Variants in PCLO observed in about 807,000 individuals in gnomAD.
The protein encoded by PCLO is protein piccolo.
PCLO carries 82 observed loss-of-function variants against 427.5 expected under a neutral mutation model. The ratio of observed to expected loss-of-function variants is 0.19; its 90% CI spans 0.16 to 0.23. The LOEUF is 0.23. Ranked by LOEUF, PCLO falls within the 10% of genes least tolerant of loss-of-function variation. The pLI is 1.00. For missense variants in PCLO, 6,239 were observed against 6,115.9 expected, an observed-to-expected ratio of 1.02 and a Z score of -0.67; for synonymous variants, 2,357 against 2,155.4, an observed-to-expected ratio of 1.09 and a Z score of -2.59.
At chr7:83,090,405 A>G (rs905994851) in intron 3 of PCLO, among the ~76,000 whole-genome samples, 2 of 152,212 alleles carry the variant, frequency 1.3e-5, no homozygotes, top group East Asian at 3.9e-4. Context: ...CAAATAATTG[A>G]TCAATTAGGA....
At chr7:83,003,503 A>G (rs939269445) in intron 3 of PCLO, among the ~76,000 whole-genome samples, 2 of 151,878 alleles carry the variant, frequency 1.3e-5, no homozygotes, top group Non-Finnish European at 2.9e-5. Context: ...AAAATATGGA[A>G]ATATGGATGA....
At chr7:83,079,925 A>C (rs1486459805) in intron 3 of PCLO, among the ~76,000 whole-genome samples, 2 of 150,960 alleles carry the variant, frequency 1.3e-5, no homozygotes, top group African/African-American at 4.9e-5. Context: ...CCCTGTGTCC[A>C]TGTGTTCTCA....
intron 3 of PCLO, among the ~76,000 whole-genome samples, chr7:83,005,578 A>AGG (rs1291713407): frequency 6.6e-6 from 1 of 151,656 alleles, no homozygotes; most frequent in Non-Finnish European, 1.5e-5. Flanking sequence ...CCTCACCACC[A>AGG]GGGGGACAAA....
At chr7:83,038,041 A>ATATATATATATATTTTTATATATT (rs1788860105) in intron 3 of PCLO, among the ~76,000 whole-genome samples, 3 of 45,904 alleles carry the variant, frequency 6.5e-5, no homozygotes, top group African/African-American at 5.0e-4. Flanking sequence ...TTATATATTT[A>ATATATATATATATTTTTATATATT]TATATATATC....
intron 20 of PCLO, among the ~76,000 whole-genome samples, chr7:82,818,675 A>G (rs901996295): frequency 6.6e-6 from 1 of 152,200 alleles, no homozygotes; most frequent in Non-Finnish European, 1.5e-5. Flanking sequence ...AGACAATGTT[A>G]TATTTGTCGG....
chr7:82,822,466 A>G (rs375919539), intron 20 of PCLO, 29 bp downstream of exon 20: 5 of 1,613,580 alleles, frequency 3.1e-6, no homozygotes, highest in Non-Finnish European at 4.2e-6. Flanking sequence ...TTAAGCTGCC[A>G]TGCTGAGGAA....
intron 21 of PCLO, among the ~76,000 whole-genome samples, chr7:82,805,268 T>C (rs993377445): frequency 7.2e-5 from 11 of 152,200 alleles, no homozygotes; most frequent in Non-Finnish European, 1.5e-4. Context: ...ATGTCCTCTA[T>C]TTCAAATATG....
rs1384806679 is a variant in PCLO, at chr7:82,949,667, C to A, written c.10921G>T (p.Val3641Leu). The A allele has an allele frequency of 1.9e-6, 3 of 1,613,648 alleles. No homozygotes were observed. Among genetic ancestry groups the A allele is most frequent in the Non-Finnish European group, 2.5e-6 (3 of 1,179,852 alleles). ...SPGKALESAF[V>L]PYEKPLPDDI... is the part of the protein sequence containing the mutation. ...TCAGGGAGGGGTTTTTCATAAGGTA[C>A]AAAGGCTGATTCTAAGGCTTTGCCT... The change falls in exon 6 of 25, where the codon GTA (valine) becomes TTA (leucine). Residue 3641 changes from valine to leucine, a missense_variant. Coordinates refer to ENST00000333891, the MANE Select transcript of PCLO (RefSeq NM_033026.6).
At chr7:82,986,338 A>G (rs550622620) in intron 3 of PCLO, among the ~76,000 whole-genome samples, 2 of 97,250 alleles carry the variant, frequency 2.1e-5, no homozygotes, top group South Asian at 7.3e-4. Flanking sequence ...ATGCACCAAA[A>G]CAAATTAGAA....
At chr7:83,035,587 A>G (rs1396522805) in intron 3 of PCLO, among the ~76,000 whole-genome samples, 1 of 152,138 alleles carries the variant, frequency 6.6e-6, no homozygotes, top group African/African-American at 2.4e-5. Flanking sequence ...GACAGATTAT[A>G]TTAATCTCTG....
chr7:83,144,963 T>C (rs1791956787), intron 2 of PCLO, among the ~76,000 whole-genome samples: 1 of 152,210 alleles, frequency 6.6e-6, no homozygotes, highest in African/African-American at 2.4e-5. Context: ...GTCATATTTC[T>C]GTAAATGGTA....
In PCLO at chr7:82,949,582, G is replaced by T; in HGVS notation, c.11006C>A (p.Pro3669His). The T allele has an allele frequency of 6.2e-7, 1 of 1,613,872 alleles. No homozygotes were observed. The highest frequency in any genetic ancestry group is 8.5e-7 in the Non-Finnish European group (1 of 1,179,834). ...ACGCTGCATCATCTTGGCTGTCTTA[G>T]GACTTGCTGGGGGAACTTTAGCCAT... ...PDMAKVPPASPKTAKMMQRSM... is the reference protein window; with the variant it reads ...PDMAKVPPASHKTAKMMQRSM... Residue 3669 changes from proline (P) to histidine (H), a missense_variant, in exon 6 of 25, where the codon CCT becomes CAT. Pro to His is a moderately conservative substitution (Grantham distance 77). Transcript: ENST00000333891.
intron 22 of PCLO, among the ~76,000 whole-genome samples, chr7:82,776,906 G>GCACACA (rs59900491): frequency 1.1e-4 from 15 of 139,344 alleles, no homozygotes; most frequent in Middle Eastern, 3.7e-3. Context: ...ATAGATATAC[G>GCACACA]CACACACACA....
At chr7:82,771,629 A>G (rs17156653) in intron 22 of PCLO, among the ~76,000 whole-genome samples, 9,669 of 152,142 alleles carry the variant, frequency 0.064, 720 homozygotes, top group African/African-American at 0.18. Context: ...AAAGGAGACT[A>G]ACTAATTGAC....
At chr7:83,022,886 T>C (rs1040441828) in intron 3 of PCLO, among the ~76,000 whole-genome samples, 2 of 152,204 alleles carry the variant, frequency 1.3e-5, no homozygotes, top group African/African-American at 4.8e-5. Context: ...CAGAACTTTA[T>C]GGACAAAAGT....
At chr7:83,102,842 T>G (rs1030156652) in intron 3 of PCLO, among the ~76,000 whole-genome samples, 3 of 151,956 alleles carry the variant, frequency 2.0e-5, no homozygotes. Flanking sequence ...TTATTCAGAA[T>G]GAATAATTAA....
intron 21 of PCLO, among the ~76,000 whole-genome samples, chr7:82,805,155 T>C (rs1394179131): frequency 6.6e-6 from 1 of 152,020 alleles, no homozygotes; most frequent in Non-Finnish European, 1.5e-5. Flanking sequence ...CAGGGACCTA[T>C]GCACTACTCG....
chr7:82,832,529 A>G (rs1191452688), intron 16 of PCLO, among the ~76,000 whole-genome samples: 1 of 151,834 alleles, frequency 6.6e-6, no homozygotes, highest in African/African-American at 2.4e-5. Context: ...CTGGTGGTTT[A>G]TTTTTTTATT....
chr7:82,968,020 T>C (rs1795818617), intron 3 of PCLO, among the ~76,000 whole-genome samples: 1 of 152,238 alleles, frequency 6.6e-6, no homozygotes, highest in South Asian at 2.1e-4. Flanking sequence ...TGCTCTAGAA[T>C]ACTAAAAGAT....
Sources: gnomAD v4.1 joint callset for allele counts (sites outside exome capture counted in the v4.1 genomes callset) on GRCh38, gnomAD v4.1.1 for gene constraint, MANE v1.5 for transcripts, NCBI Gene and HGNC (gene_info 2026-07-23, HGNC 2026-07-21) for gene names.